Variants in FBXL2 observed in about 807,000 individuals in gnomAD.
FBXL2 encodes F-box and leucine rich repeat protein 2, also known as F-box/LRR-repeat protein 2.
FBXL2 carries 38 observed loss-of-function variants against 69.2 expected under a neutral mutation model. The ratio of observed to expected loss-of-function variants is 0.55; its 90% CI spans 0.42 to 0.72. The LOEUF (loss-of-function observed/expected upper bound fraction) is 0.72. Ranked by LOEUF, FBXL2 falls within the 30% of genes least tolerant of loss-of-function variation. FBXL2 has a pLI of 0.00. For missense variants in FBXL2, 354 were observed against 520.3 expected, an observed-to-expected ratio of 0.68 and a Z score of 3.11; for synonymous variants, 192 against 201.3, an observed-to-expected ratio of 0.95 and a Z score of 0.39.
chr3:33,358,007 CTCT>C (rs750740347), intron 2 of FBXL2, among the ~76,000 whole-genome samples: 2 of 152,166 alleles, frequency 1.3e-5, no homozygotes, highest in Non-Finnish European at 2.9e-5. Context: ...TATGATTCTA[CTCT>C]TCTTCCCTGA....
chr3:33,383,493 C>A (rs2043196077), intron 13 of FBXL2: 2 of 177,236 alleles, frequency 1.1e-5, no homozygotes, highest in Admixed American at 5.4e-5. Flanking sequence ...TGATTATAAC[C>A]TTCAAAGATG....
At chr3:33,319,396 T>C (rs574274595) in intron 2 of FBXL2, among the ~76,000 whole-genome samples, 4 of 152,358 alleles carry the variant, frequency 2.6e-5, no homozygotes, top group African/African-American at 4.8e-5. Flanking sequence ...TGATGTAATA[T>C]ACATGAAGTA....
chr3:33,308,053 G>A lies in FBXL2; in HGVS notation c.65+10328G>A, dbSNP rs2036871604. 2.6e-5 allele frequency among the ~76,000 whole-genome samples: 4 copies of A among 151,992 alleles called. No individual in the cohort carries two copies. In the South Asian group the frequency reaches 8.3e-4, roughly 32 times the overall value. ...TTTTTGTTGTTATTTTTGTTTGTTT[G>A]TTTGTTGAGGCAGGGTTTTACTGTG... On this transcript the variant is annotated intron_variant, in intron 2 of 14. Transcript: ENST00000484457.
intron 2 of FBXL2, among the ~76,000 whole-genome samples, chr3:33,345,890 T>C (rs1362978968): frequency 6.6e-6 from 1 of 152,098 alleles, no homozygotes; most frequent in Non-Finnish European, 1.5e-5. Flanking sequence ...TAGAGGGAGA[T>C]TTACTGCATT....
intron 2 of FBXL2, among the ~76,000 whole-genome samples, chr3:33,305,135 G>A (rs2036603368): frequency 6.6e-6 from 1 of 151,670 alleles, no homozygotes; most frequent in Non-Finnish European, 1.5e-5. Flanking sequence ...GAAGTCAAAT[G>A]TATCAATCTT....
chr3:33,297,798 C>G, intron 2 of FBXL2, 73 bp downstream of exon 2: 1 of 909,514 alleles, frequency 1.1e-6, no homozygotes, highest in Non-Finnish European at 1.8e-6. Flanking sequence ...TATCTTCTTT[C>G]TCACTGTGAG....
intron 10 of FBXL2, among the ~76,000 whole-genome samples, chr3:33,376,147 ACCC>A: frequency 7.1e-6 from 1 of 141,040 alleles, no homozygotes; most frequent in South Asian, 2.3e-4. Context: ...CAAGAGTGAG[ACCC>A]CATCTCAAAA....
chr3:33,383,825 T>C, intron 13 of FBXL2, 164 bp from the exon 14 acceptor site: 1 of 613,686 alleles, frequency 1.6e-6, no homozygotes. Flanking sequence ...AAACTTCTCA[T>C]AGTTCTGAAG....
chr3:33,319,845 CT>C (rs2038046595), intron 2 of FBXL2, among the ~76,000 whole-genome samples: 1 of 152,078 alleles, frequency 6.6e-6, no homozygotes, highest in Non-Finnish European at 1.5e-5. Context: ...GAAAATGTCA[CT>C]TTATTTTTGT....
intron 1 of FBXL2, chr3:33,289,883 C>T: frequency 1.4e-6 from 1 of 696,068 alleles, no homozygotes; most frequent in Non-Finnish European, 1.8e-6. Context: ...GAAATCTAAG[C>T]CTGGGCGTGC....
intron 4 of FBXL2, among the ~76,000 whole-genome samples, chr3:33,360,652 C>T (rs1482291835): frequency 6.6e-6 from 1 of 152,106 alleles, no homozygotes; most frequent in East Asian, 1.9e-4. Context: ...TAGTACTCCA[C>T]CTAAACATGC....
At chr3:33,348,680 G>A (rs1211976956) in intron 2 of FBXL2, among the ~76,000 whole-genome samples, 1 of 152,010 alleles carries the variant, frequency 6.6e-6, no homozygotes, top group Non-Finnish European at 1.5e-5. Context: ...TCGCACCACT[G>A]CACTTCAGCC....
chr3:33,292,233 A>G (rs1302935448), intron 1 of FBXL2, among the ~76,000 whole-genome samples: 2 of 152,096 alleles, frequency 1.3e-5, no homozygotes, highest in East Asian at 3.9e-4. Context: ...TACAAAAATT[A>G]ACTGGGTGTG....
At chr3:33,351,163 G>T (rs902287605) in intron 2 of FBXL2, among the ~76,000 whole-genome samples, 7 of 152,092 alleles carry the variant, frequency 4.6e-5, no homozygotes, top group Non-Finnish European at 1.0e-4. Flanking sequence ...CTACTCAGGA[G>T]GCTGAGGCAG....
chr3:33,314,972 T>C lies in FBXL2; in HGVS notation c.65+17247T>C, dbSNP rs558352488. On this transcript the variant is annotated intron_variant, in intron 2 of 14. Transcript: ENST00000484457. ...TTGTTCTTACATGTGAAAATGTGTT[T>C]CATGAAAAAAGTGGCTAGTTTAGCT... Among the ~76,000 whole-genome samples, 30 of 152,292 alleles carry C rather than the reference T, an allele frequency of 2.0e-4. 1 individual carries two copies. In the South Asian group the frequency reaches 5.4e-3, roughly 27 times the overall value.
intron 9 of FBXL2, among the ~76,000 whole-genome samples, chr3:33,374,204 G>T (rs1199013654): frequency 6.6e-6 from 1 of 152,184 alleles, no homozygotes; most frequent in Non-Finnish European, 1.5e-5. Flanking sequence ...CGCTATTGAG[G>T]AATGCAGTGA....
chr3:33,416,282 G>A, the FBXL2 span, among the ~76,000 whole-genome samples: 1 of 152,168 alleles, frequency 6.6e-6, no homozygotes, highest in Non-Finnish European at 1.5e-5. Context: ...GGCAGGGATG[G>A]TTCTGAGGAT....
the FBXL2 span, among the ~76,000 whole-genome samples, chr3:33,411,989 C>T: frequency 2.6e-5 from 4 of 151,952 alleles, no homozygotes; most frequent in African/African-American, 9.7e-5. Context: ...GAGTTTGAGA[C>T]CAGCCTGGCG....
At chr3:33,357,808 C>T (rs879603321) in intron 2 of FBXL2, among the ~76,000 whole-genome samples, 7 of 152,132 alleles carry the variant, frequency 4.6e-5, no homozygotes, top group African/African-American at 1.7e-4. Context: ...GGATTACAGG[C>T]GTGAGCCACC....
Sources: allele counts gnomAD v4.1 joint callset (sites outside exome capture counted in the v4.1 genomes callset), GRCh38; gene constraint gnomAD v4.1.1; transcripts MANE v1.5; gene names NCBI Gene and HGNC (gene_info 2026-07-23, HGNC 2026-07-21).